The following SLC26A7 variants were observed in gnomAD, a reference collection of about 807,000 sequenced individuals.
SLC26A7 encodes solute carrier family 26 member 7, also known as anion exchange transporter.
Under a neutral mutation model 82.5 loss-of-function variants are expected in SLC26A7, and 59 were observed. That is an observed-to-expected ratio of 0.72 (90% CI 0.58 to 0.89). SLC26A7 has a LOEUF of 0.89. SLC26A7 is among the 40% of genes least tolerant of loss of function. SLC26A7 has a pLI of 0.00. For synonymous variants in SLC26A7, 271 were observed against 274.3 expected (o/e 0.99, Z 0.12); for missense variants, 820 against 793.0 (o/e 1.03, Z -0.41).
chr8:91,340,568 G>A lies in SLC26A7; in HGVS notation c.1026+17G>A, dbSNP rs533490449. ...GACAACCAGGTGGAGTGTGCCCCCA[G>A]TCCCTCTCCACTCCAGTTGTATCAT... On this transcript the variant is annotated intron_variant, in intron 8 of 18. Coordinates refer to ENST00000276609, the MANE Select transcript of SLC26A7 (RefSeq NM_052832.4). 1 of 1,613,316 alleles carries A rather than the reference G, an allele frequency of 6.2e-7. No individual in the cohort carries two copies. Among genetic ancestry groups the A allele is most frequent in the African/African-American group, 1.3e-5 (1 of 74,774 alleles).
intron 2 of SLC26A7, among the ~76,000 whole-genome samples, chr8:91,264,065 G>T (rs1176980169): frequency 6.6e-6 from 1 of 151,920 alleles, no homozygotes; most frequent in Non-Finnish European, 1.5e-5. Flanking sequence ...AATCCATGTT[G>T]CTCCGCTTTC....
Position 91,366,701 on chromosome 8 carries a change from T to A in SLC26A7, c.1610T>A (p.Leu537His), listed in dbSNP as rs943722884. 8.7e-6 allele frequency: 14 copies of A among 1,612,590 alleles called. No individual in the cohort carries two copies. Among genetic ancestry groups the A allele is most frequent in the Non-Finnish European group, 1.2e-5 (14 of 1,179,644 alleles). Reference sequence around the variant, plus strand: ...AAGGAAAATGCCTGTAATCAGCCACTTGATGATATCAGCAAGGTAGGATCA... The same window carrying A: ...AAGGAAAATGCCTGTAATCAGCCACATGATGATATCAGCAAGGTAGGATCA... ...IQKENACNQP[L>H]DDISKCEQNT... Residue 537 changes from leucine (L) to histidine (H), a missense_variant, in exon 14 of 19, where the codon CTT (leucine) becomes CAT (histidine). Leu to His is a moderately conservative substitution (Grantham distance 99). Transcript: ENST00000276609.
intron 6 of SLC26A7, among the ~76,000 whole-genome samples, chr8:91,335,676 T>C (rs1180622298): frequency 9.9e-5 from 15 of 152,206 alleles, no homozygotes; most frequent in Admixed American, 9.8e-4. Context: ...AAAGGTATTC[T>C]TTATACGTGT....
chr8:91,230,429 TGC>T (rs1285388072), intron 2 of SLC26A7, among the ~76,000 whole-genome samples: 1 of 152,226 alleles, frequency 6.6e-6, no homozygotes, highest in Admixed American at 6.5e-5. Context: ...TTCCTTTCAG[TGC>T]TCTGAAGCTC....
At chr8:91,376,002 A>C (rs1331511206) in intron 15 of SLC26A7, among the ~76,000 whole-genome samples, 1 of 152,056 alleles carries the variant, frequency 6.6e-6, no homozygotes, top group Admixed American at 6.5e-5. Context: ...GCCTAAAATT[A>C]TTCTTTTTTT....
intron 5 of SLC26A7, among the ~76,000 whole-genome samples, chr8:91,322,371 A>G (rs952231552): frequency 6.6e-6 from 1 of 152,172 alleles, no homozygotes; most frequent in African/African-American, 2.4e-5. Context: ...AAGAAGAAAC[A>G]ATAATGTTAT....
intron 2 of SLC26A7, among the ~76,000 whole-genome samples, chr8:91,269,294 C>T: frequency 6.6e-6 from 1 of 152,064 alleles, no homozygotes; most frequent in East Asian, 1.9e-4. Flanking sequence ...TGAATTTCCT[C>T]ATCTTGTTTG....
intron 4 of SLC26A7, among the ~76,000 whole-genome samples, chr8:91,312,264 T>C (rs1009194298): frequency 2.0e-5 from 3 of 152,190 alleles, no homozygotes; most frequent in African/African-American, 7.2e-5. Flanking sequence ...GGCTCATCCA[T>C]GTTGTTACAT....
intron 1 of SLC26A7, among the ~76,000 whole-genome samples, chr8:91,214,235 G>A (rs1809995257): frequency 6.6e-6 from 1 of 152,172 alleles, no homozygotes; most frequent in Admixed American, 6.5e-5. Flanking sequence ...TCTGAGGGGT[G>A]TGAAGGAGAA....
intron 2 of SLC26A7, among the ~76,000 whole-genome samples, chr8:91,279,133 A>ATATATATATATATATG (rs1423293582): frequency 3.6e-4 from 15 of 41,680 alleles, no homozygotes; most frequent in African/African-American, 1.1e-3. Flanking sequence ...GTGTATATAT[A>ATATATATATATATATG]TATATATATA....
At chr8:91,330,098 CT>C (rs1334415775) in intron 5 of SLC26A7, among the ~76,000 whole-genome samples, 1 of 152,106 alleles carries the variant, frequency 6.6e-6, no homozygotes, top group African/African-American at 2.4e-5. Context: ...TACCTGACCC[CT>C]AATACGTTTA....
intron 6 of SLC26A7, among the ~76,000 whole-genome samples, chr8:91,335,470 C>G (rs1295276103): frequency 6.6e-6 from 1 of 152,070 alleles, no homozygotes; most frequent in Non-Finnish European, 1.5e-5. Context: ...TTCACAGCAA[C>G]AACTGTGAAA....
intron 3 of SLC26A7, among the ~76,000 whole-genome samples, chr8:91,292,426 A>G (rs763472096): frequency 1.8e-4 from 27 of 152,206 alleles, no homozygotes; most frequent in Non-Finnish European, 3.5e-4. Flanking sequence ...AGTGTCACCA[A>G]TAAGTTCCTG....
chr8:91,339,064 A>G (rs1458942436), intron 7 of SLC26A7, among the ~76,000 whole-genome samples: 1 of 152,208 alleles, frequency 6.6e-6, no homozygotes, highest in African/African-American at 2.4e-5. Context: ...AATGCTGATT[A>G]TATGAATCAA....
chr8:91,389,284 G>A, intron 15 of SLC26A7, 54 bp from the exon 16 acceptor site: 1 of 1,303,020 alleles, frequency 7.7e-7, no homozygotes, highest in Non-Finnish European at 1.1e-6. Context: ...AACAAAGCCA[G>A]CAGCAGAAGT....
At chr8:91,327,928 G>A (rs1812977530) in intron 5 of SLC26A7, among the ~76,000 whole-genome samples, 1 of 151,958 alleles carries the variant, frequency 6.6e-6, no homozygotes, top group African/African-American at 2.4e-5. Flanking sequence ...CATTACTAGT[G>A]AAGAATTATT....
At chr8:91,343,181 A>G (rs1813466268) in intron 8 of SLC26A7, 172 bp from the exon 9 acceptor site, 4 of 550,166 alleles carry the variant, frequency 7.3e-6, no homozygotes, top group Admixed American at 3.0e-5. Flanking sequence ...TTTCTTGCTC[A>G]TTGTAAGCAC....
chr8:91,313,595 C>T (rs1204051196), intron 4 of SLC26A7, among the ~76,000 whole-genome samples: 1 of 152,262 alleles, frequency 6.6e-6, no homozygotes, highest in African/African-American at 2.4e-5. Flanking sequence ...CCCACCCAAA[C>T]AGCTTTTCAG....
Position 91,304,233 on chromosome 8 carries a change from G to C in SLC26A7, c.477+8530G>C, listed in dbSNP as rs919612946. On this transcript the variant is annotated intron_variant, in intron 4 of 18. Transcript: ENST00000276609. ...ACTGACTGATATAGTTTGGCTCTGT[G>C]TTGCCACCCAAATCTCATGTTGGAT... Among the ~76,000 whole-genome samples, 3 of 152,142 alleles carry C rather than the reference G, an allele frequency of 2.0e-5. No homozygotes were observed. In the South Asian group the frequency reaches 6.2e-4, roughly 32 times the overall value.
Sources: allele counts gnomAD v4.1 joint callset (sites outside exome capture counted in the v4.1 genomes callset), GRCh38; gene constraint gnomAD v4.1.1; transcripts MANE v1.5; gene names NCBI Gene and HGNC (gene_info 2026-07-23, HGNC 2026-07-21).